SMG6: variants seen among roughly 807,000 people sequenced by gnomAD.
The protein encoded by SMG6 is SMG6 nonsense mediated mRNA decay factor, also known as telomerase-binding protein EST1A.
In SMG6, 66 loss-of-function variants were observed where a neutral mutation model predicts 142.2. The ratio of observed to expected loss-of-function variants is 0.46; its 90% confidence interval spans 0.38 to 0.57. The LOEUF (loss-of-function observed/expected upper bound fraction) is 0.57. Among genes scored for constraint, SMG6 ranks in the 20% least tolerant of loss-of-function variants. The pLI, the probability that SMG6 is intolerant of heterozygous loss-of-function variation, is 0.00. For missense variants in SMG6, 1,793 were observed against 1,832.0 expected, an observed-to-expected ratio of 0.98 and a Z score of 0.39; for synonymous variants, 779 against 702.4, an observed-to-expected ratio of 1.11 and a Z score of -1.72.
chr17:2,132,140 C>T (rs922749536), intron 13 of SMG6, among the ~76,000 whole-genome samples: 6 of 151,804 alleles, frequency 4.0e-5, no homozygotes, highest in Non-Finnish European at 7.4e-5. Flanking sequence ...CTCAAAGTGT[C>T]GGGATTACAG....
chr17:2,273,045 G>A (rs1207519827), intron 8 of SMG6, among the ~76,000 whole-genome samples: 5 of 152,088 alleles, frequency 3.3e-5, no homozygotes, highest in South Asian at 2.1e-4. Context: ...GGAGTGTGCC[G>A]AAGTGTGTGA....
At chr17:2,303,421 T>C (rs754976700) in intron 1 of SMG6, 36 of 1,257,388 alleles carry the variant, frequency 2.9e-5, no homozygotes, top group Non-Finnish European at 3.6e-5. Context: ...CGGGCCAGGC[T>C]CTCCCGGAGC....
At chr17:2,154,246 T>C (rs1348405555) in intron 13 of SMG6, among the ~76,000 whole-genome samples, 5 of 135,216 alleles carry the variant, frequency 3.7e-5, no homozygotes, top group African/African-American at 5.8e-5. Context: ...TGGGGATGCA[T>C]CTAGAGTGTG....
chr17:2,207,332 G>GATC (rs2072718575), intron 10 of SMG6, among the ~76,000 whole-genome samples: 1 of 151,922 alleles, frequency 6.6e-6, no homozygotes, highest in South Asian at 2.1e-4. Flanking sequence ...ATTAGAAAAT[G>GATC]ATCAGTTTTA....
At chr17:2,280,320 T>C (rs1469833844) in intron 8 of SMG6, among the ~76,000 whole-genome samples, 3 of 152,118 alleles carry the variant, frequency 2.0e-5, no homozygotes, top group South Asian at 2.1e-4. Flanking sequence ...TGGAGTGCAG[T>C]GGCACGATCT....
intron 2 of SMG6, among the ~76,000 whole-genome samples, chr17:2,298,495 G>A (rs565596026): frequency 2.2e-4 from 34 of 152,188 alleles, no homozygotes; most frequent in African/African-American, 7.2e-4. Context: ...CGAGGCAGGC[G>A]GATCACGAGG....
chr17:2,062,002 C>CTTTT, intron 18 of SMG6: 1 of 153,268 alleles, frequency 6.5e-6, no homozygotes, highest in East Asian at 1.9e-4. Context: ...CCACACCCCA[C>CTTTT]TTTTTTTTTT....
intron 8 of SMG6, among the ~76,000 whole-genome samples, chr17:2,281,614 T>A (rs2074788292): frequency 6.6e-6 from 1 of 152,174 alleles, no homozygotes. Context: ...GTCTTACTCT[T>A]CTCCAAACAT....
Position 2,068,820 on chromosome 17 carries a change from G to A in SMG6, c.3793C>T (p.Leu1265=). Reference sequence around the variant, plus strand: ...AGGATGTACTTCCTGCTCTCCAGCAGCCGCGCCAGACTGGCCAGGTGGTCA... The same window carrying A: ...AGGATGTACTTCCTGCTCTCCAGCAACCGCGCCAGACTGGCCAGGTGGTCA... ...FIDHLASLAR[L]LESRKYILVV... is the part of the protein sequence containing the mutation. Residue 1265 remains leucine, a synonymous_variant, in exon 16 of 19, where the codon CTG becomes TTG. Coordinates refer to ENST00000263073, the MANE Select transcript of SMG6 (RefSeq NM_017575.5). The surrounding 1 kb of genome is among the most constrained non-coding windows in gnomAD (Gnocchi z 6.7). 6.2e-7 allele frequency: 1 copy of A among 1,614,228 alleles called. No individual in the cohort carries two copies. The highest frequency in any genetic ancestry group is 1.1e-5 in the South Asian group (1 of 91,086).
intron 8 of SMG6, among the ~76,000 whole-genome samples, chr17:2,261,935 A>G (rs2074324886): frequency 1.3e-5 from 2 of 152,240 alleles, no homozygotes; most frequent in African/African-American, 2.4e-5. Flanking sequence ...AAAACCTGCC[A>G]AAGACATTCC....
At chr17:2,233,193 G>C (rs1277747683) in intron 10 of SMG6, 1 of 152,186 alleles carries the variant, frequency 6.6e-6, no homozygotes, top group East Asian at 1.9e-4. Flanking sequence ...ACATCTACAG[G>C]GAAGACCCAG....
At chr17:2,280,399 A>G (rs1035939695) in intron 8 of SMG6, among the ~76,000 whole-genome samples, 4 of 152,058 alleles carry the variant, frequency 2.6e-5, no homozygotes, top group Non-Finnish European at 4.4e-5. Context: ...AGTAGCTGGG[A>G]TTACAGGAGT....
intron 6 of SMG6, 142 bp from the exon 7 acceptor site, chr17:2,283,877 T>C: frequency 1.6e-6 from 1 of 643,128 alleles, no homozygotes; most frequent in South Asian, 1.8e-5. Context: ...TCAGAAATGC[T>C]ATCCACAGGA....
At chr17:2,235,672 T>C (rs1379348509) in intron 10 of SMG6, 1 of 152,562 alleles carries the variant, frequency 6.6e-6, no homozygotes, top group Non-Finnish European at 1.5e-5. Context: ...ATGGACCAAA[T>C]TACCCTTGCG....
chr17:2,259,246 G>A (rs1026217179), intron 8 of SMG6, among the ~76,000 whole-genome samples: 1 of 151,664 alleles, frequency 6.6e-6, no homozygotes, highest in Non-Finnish European at 1.5e-5. Context: ...TGGAGATTAA[G>A]GTAAGTAAAT....
chr17:2,108,272 C>T (rs2069208084), intron 13 of SMG6, among the ~76,000 whole-genome samples: 1 of 152,154 alleles, frequency 6.6e-6, no homozygotes, highest in African/African-American at 2.4e-5. Flanking sequence ...TCTTCTTAGC[C>T]ACTCTCCAAT....
At chr17:2,110,630 A>C (rs1157211677) in intron 13 of SMG6, among the ~76,000 whole-genome samples, 2 of 152,184 alleles carry the variant, frequency 1.3e-5, no homozygotes, top group African/African-American at 4.8e-5. Context: ...AGACGGAAGA[A>C]AGACCCTGAT....
At position 2,186,725 on chromosome 17, in the gene SMG6, A is replaced by G. The variant is rs750244898; in HGVS notation, c.3093T>C (p.Asp1031=). 9 of 1,614,086 alleles carry G rather than the reference A, an allele frequency of 5.6e-6. No homozygotes were observed. Among genetic ancestry groups the G allele is most frequent in the African/African-American group, 1.3e-5 (1 of 74,936 alleles). ...ELLPSVKVWS[D]WMLGYPDTWN... is the part of the protein sequence containing the mutation. ...AGGTGTCCGGGTAGCCGAGCATCCAATCTGACCAGACTTTGACACTGGGGA... is the reference window on the plus strand; with the variant it reads ...AGGTGTCCGGGTAGCCGAGCATCCAGTCTGACCAGACTTTGACACTGGGGA... The change falls in exon 12 of 19, where the codon GAT becomes GAC. Residue 1031 remains aspartate, a synonymous_variant. Coordinates refer to ENST00000263073, the MANE Select transcript of SMG6 (RefSeq NM_017575.5).
At chr17:2,223,167 C>A (rs908785498) in intron 10 of SMG6, among the ~76,000 whole-genome samples, 2 of 152,222 alleles carry the variant, frequency 1.3e-5, no homozygotes, top group Non-Finnish European at 2.9e-5. Context: ...TTTCTCCCTG[C>A]AGTCCCCTGC....
Sources: allele counts gnomAD v4.1 joint callset (sites outside exome capture counted in the v4.1 genomes callset), GRCh38; gene constraint gnomAD v4.1.1; non-coding constraint Gnocchi (gnomAD v3.1); transcripts MANE v1.5; gene names NCBI Gene and HGNC (gene_info 2026-07-23, HGNC 2026-07-21).